The following ELP3 variants were observed in gnomAD, a reference collection of about 807,000 sequenced individuals.
The protein encoded by ELP3 is elongator acetyltransferase complex subunit 3, also known as elongator complex protein 3.
In ELP3, 56 loss-of-function variants were observed where a neutral mutation model predicts 74.9. The observed-to-expected ratio is 0.75, with a 90% CI of 0.60 to 0.93. ELP3 has a LOEUF of 0.93. Among genes scored for constraint, ELP3 ranks in the 40% least tolerant of loss-of-function variants. The probability of loss-of-function intolerance (pLI) is 0.00; values close to 1 mark genes in which losing one functional copy is unlikely to be tolerated. For synonymous variants in ELP3, 222 were observed against 239.8 expected (o/e 0.93, Z 0.68); for missense variants, 573 against 686.5 (o/e 0.83, Z 1.85).
intron 14 of ELP3, among the ~76,000 whole-genome samples, chr8:28,169,895 G>A (rs779493786): frequency 7.9e-5 from 12 of 152,042 alleles, no homozygotes; most frequent in Non-Finnish European, 1.5e-4. Context: ...GTGGTTCCTC[G>A]CCATCCCTCG....
chr8:28,158,634 G>A lies in ELP3; in HGVS notation c.1257+1G>A, dbSNP rs766616672. 6.2e-7 allele frequency: 1 copy of A among 1,612,960 alleles called. No homozygotes were observed. Among genetic ancestry groups the A allele is most frequent in the South Asian group, 1.1e-5 (1 of 91,048 alleles). On this transcript the variant is annotated splice_donor_variant, in intron 12 of 14. Transcript: ENST00000256398. LOFTEE classifies it high-confidence loss of function. Reference sequence around the variant, plus strand: ...TCATCACAAAGTACGGCCATACCAGGTTAGTCTCTTCATGTCATAGAGGGC... The same window carrying A: ...TCATCACAAAGTACGGCCATACCAGATTAGTCTCTTCATGTCATAGAGGGC...
In ELP3 at chr8:28,093,154, C is replaced by A; in HGVS notation, c.-61C>A. On this transcript the variant is annotated 5_prime_UTR_variant, in exon 1 of 15. Coordinates refer to ENST00000256398, the MANE Select transcript of ELP3 (RefSeq NM_018091.6). ...ATTGTTTTGTGGCTGTCAGCTTTCC[C>A]CGTGGTCTGAGTTTGTGGCTGCATT... The A allele has an allele frequency of 1.2e-6, 2 of 1,600,656 alleles. No homozygotes were observed. Among genetic ancestry groups the A allele is most frequent in the Non-Finnish European group, 1.7e-6 (2 of 1,175,362 alleles).
At chr8:28,119,833 G>T (rs1812299776) in intron 7 of ELP3, among the ~76,000 whole-genome samples, 1 of 151,532 alleles carries the variant, frequency 6.6e-6, no homozygotes, top group Admixed American at 6.6e-5. Context: ...GTCTCTTCTA[G>T]AACTTCATAT....
chr8:28,113,052 G>A lies in ELP3; in HGVS notation c.496G>A (p.Glu166Lys). 1 of 1,613,676 alleles carries A rather than the reference G, an allele frequency of 6.2e-7. No individual in the cohort carries two copies. Among genetic ancestry groups the A allele is most frequent in the South Asian group, 1.1e-5 (1 of 90,982 alleles). ...KQLGHSVDKV[E>K]FIVMGGTFMA... ...ACTTGGTCATAGTGTGGATAAAGTG[G>A]AGTTTATTGTGATGGGTGGAACGTT... The change falls in exon 7 of 15, where the codon GAG (glutamate) becomes AAG (lysine). Residue 166 changes from glutamate to lysine, a missense_variant. Glu to Lys is a moderately conservative substitution (Grantham distance 56). Transcript: ENST00000256398.
chr8:28,131,230 A>G (rs140193569), intron 8 of ELP3, among the ~76,000 whole-genome samples: 348 of 152,360 alleles, frequency 2.3e-3, no homozygotes, highest in South Asian at 4.1e-3. Flanking sequence ...ACTAAGTTTC[A>G]GATACCTGTA....
intron 5 of ELP3, among the ~76,000 whole-genome samples, chr8:28,108,799 CAAG>C (rs1230003179): frequency 1.3e-5 from 2 of 152,064 alleles, no homozygotes; most frequent in Admixed American, 6.6e-5. Context: ...AGTAAAGAAA[CAAG>C]AAAAAGTATC....
intron 10 of ELP3, among the ~76,000 whole-genome samples, chr8:28,142,706 T>G (rs1433880097): frequency 6.6e-6 from 1 of 152,256 alleles, no homozygotes; most frequent in Non-Finnish European, 1.5e-5. Flanking sequence ...GCTTTAGGAT[T>G]GATAATGTAG....
At chr8:28,091,308 AAGG>A (rs1811048181), upstream of ELP3, among the ~76,000 whole-genome samples, 2 of 152,278 alleles carry the variant, frequency 1.3e-5, no homozygotes, top group African/African-American at 2.4e-5. Flanking sequence ...GAATTCTAAA[AAGG>A]AGGAGGGAAT....
intron 14 of ELP3, among the ~76,000 whole-genome samples, chr8:28,172,040 A>G (rs1040991607): frequency 3.3e-5 from 5 of 152,098 alleles, no homozygotes; most frequent in Admixed American, 2.6e-4. Flanking sequence ...CATCAGTACT[A>G]TGCTGTTTTA....
upstream of ELP3, among the ~76,000 whole-genome samples, chr8:28,090,700 G>C (rs1193196916): frequency 2.0e-5 from 3 of 151,900 alleles, no homozygotes; most frequent in Admixed American, 2.0e-4. Flanking sequence ...CATTGATGTG[G>C]GGTCAGGGGG....
intron 7 of ELP3, among the ~76,000 whole-genome samples, chr8:28,118,307 C>T (rs1812217983): frequency 1.3e-5 from 2 of 152,020 alleles, no homozygotes; most frequent in East Asian, 3.8e-4. Flanking sequence ...TATGTTGAAC[C>T]TGATTAAAGT....
chr8:28,188,142 C>T (rs187495145), intron 14 of ELP3, among the ~76,000 whole-genome samples: 37 of 152,270 alleles, frequency 2.4e-4, no homozygotes, highest in Non-Finnish European at 4.6e-4. Context: ...TCGCTCTCCC[C>T]GCCCAGCCTC....
chr8:28,176,941 ACT>A, intron 14 of ELP3, among the ~76,000 whole-genome samples: 1 of 152,110 alleles, frequency 6.6e-6, no homozygotes, highest in East Asian at 1.9e-4. Flanking sequence ...AAAGAAAAAA[ACT>A]CTCTAAGAGC....
intron 14 of ELP3, among the ~76,000 whole-genome samples, chr8:28,173,762 G>A (rs1483889589): frequency 6.6e-6 from 1 of 151,696 alleles, no homozygotes; most frequent in African/African-American, 2.4e-5. Context: ...TTCCCTCTGA[G>A]CACTGTTTTT....
At chr8:28,103,879 A>T (rs1811585845) in intron 3 of ELP3, among the ~76,000 whole-genome samples, 1 of 152,154 alleles carries the variant, frequency 6.6e-6, no homozygotes. Flanking sequence ...ACAGGCATGC[A>T]CCACCACACC....
intron 2 of ELP3, among the ~76,000 whole-genome samples, chr8:28,098,111 T>G (rs1345736253): frequency 6.6e-6 from 1 of 152,188 alleles, no homozygotes; most frequent in Non-Finnish European, 1.5e-5. Flanking sequence ...GTAGAACCTC[T>G]TTGACACATT....
At chr8:28,161,522 C>T (rs1814086664) in intron 13 of ELP3, among the ~76,000 whole-genome samples, 1 of 150,920 alleles carries the variant, frequency 6.6e-6, no homozygotes, top group South Asian at 2.1e-4. Flanking sequence ...TGCAGTGAGC[C>T]GAGATTGAGC....
At chr8:28,119,143 CTTTTTCTATTGACCAT>C (rs1812253390) in intron 7 of ELP3, 1 of 152,206 alleles carries the variant, frequency 6.6e-6, no homozygotes, top group Non-Finnish European at 1.5e-5. Flanking sequence ...TTATCTCTCA[CTTTTTCTATTGACCAT>C]TTTACTTTCT....
intron 14 of ELP3, among the ~76,000 whole-genome samples, chr8:28,187,440 G>A (rs182604333): frequency 2.8e-3 from 434 of 152,310 alleles, no homozygotes; most frequent in African/African-American, 7.9e-3. Flanking sequence ...TCTCAAAACA[G>A]CAGTCAGATC....
Sources: allele counts gnomAD v4.1 joint callset (sites outside exome capture counted in the v4.1 genomes callset), GRCh38; gene constraint gnomAD v4.1.1; transcripts MANE v1.5; gene names NCBI Gene and HGNC (gene_info 2026-07-23, HGNC 2026-07-21).